The following CACNA1C variants were observed in gnomAD, a reference collection of about 807,000 sequenced individuals.
CACNA1C encodes the protein calcium voltage-gated channel subunit alpha1 C.
A neutral mutation model predicts 229.0 loss-of-function variants in CACNA1C; 30 were observed. The ratio of observed to expected loss-of-function variants is 0.13; its 90% CI spans 0.10 to 0.18. CACNA1C has a LOEUF of 0.18. CACNA1C is among the 10% of genes least tolerant of loss of function. The probability of loss-of-function intolerance (pLI) is 1.00; values close to 1 mark genes in which losing one functional copy is unlikely to be tolerated. For synonymous variants in CACNA1C, 1,114 were observed against 1,132.5 expected (o/e 0.98, Z 0.33); for missense variants, 1,658 against 2,845.0 (o/e 0.58, Z 9.49).
At chr12:2,265,167 T>TG (rs2081883951) in intron 3 of CACNA1C, among the ~76,000 whole-genome samples, 1 of 152,156 alleles carries the variant, frequency 6.6e-6, no homozygotes, top group Non-Finnish European at 1.5e-5. Flanking sequence ...CTTGGCCTGC[T>TG]GGGGGTGGAT....
rs1454041538 is a variant in CACNA1C, at chr12:2,403,070, CTT to C, written c.478-45905_478-45904del. Among the ~76,000 whole-genome samples the C allele has an allele frequency of 2.0e-5, 3 of 152,126 alleles. No homozygotes were observed. The highest frequency in any genetic ancestry group is 7.2e-5 in the African/African-American group (3 of 41,420). On this transcript the variant is annotated intron_variant, in intron 3 of 46. Transcript: ENST00000399655. This position sits in a 1 kb window ranked among gnomAD's most constrained non-coding sequence, Gnocchi z 4.1. ...AGCACTGTGGGGCAGGGCAGAGGGA[CTT>C]GTGTGTGTAGGCAGCAGCACACAGA... is the stretch of plus-strand genomic sequence containing the variant.
chr12:2,281,311 G>A (rs978170076), intron 3 of CACNA1C, among the ~76,000 whole-genome samples: 3 of 152,094 alleles, frequency 2.0e-5, no homozygotes, highest in African/African-American at 7.2e-5. Context: ...TGTTTAGGCA[G>A]TCAATGATCT....
At chr12:2,531,232 A>G (rs1599055358) in intron 9 of CACNA1C, among the ~76,000 whole-genome samples, 1 of 152,194 alleles carries the variant, frequency 6.6e-6, no homozygotes, top group African/African-American at 2.4e-5. Context: ...GGCACGCCCC[A>G]TCTGACTCGA....
At position 2,448,136 on chromosome 12, in the gene CACNA1C, T is replaced by C. The variant is rs541148488; in HGVS notation, c.478-840T>C. Among the ~76,000 whole-genome samples the C allele has an allele frequency of 1.8e-3, 271 of 152,312 alleles. 1 individual carries two copies. Among genetic ancestry groups the C allele is most frequent in the Non-Finnish European group, 3.4e-3 (231 of 68,030 alleles). On this transcript the variant is annotated intron_variant, in intron 3 of 46. Coordinates refer to ENST00000399655, the MANE Select transcript of CACNA1C (RefSeq NM_000719.7). ...TCAGCACAGAGTCGGCTGGCTCTAA[T>C]TGAGCCAACAAGTTTGTCCTGTTCG...
intron 9 of CACNA1C, among the ~76,000 whole-genome samples, chr12:2,526,561 C>T (rs1222363419): frequency 1.3e-5 from 2 of 152,230 alleles, no homozygotes; most frequent in African/African-American, 2.4e-5. Context: ...ACTGATAAGG[C>T]CATAAACTCT....
chr12:2,137,457 G>A (rs2093656971), intron 3 of CACNA1C, among the ~76,000 whole-genome samples: 3 of 151,100 alleles, frequency 2.0e-5, no homozygotes, highest in African/African-American at 7.3e-5. Flanking sequence ...ATGGTGGCTT[G>A]CACCTGTAGT....
rs201480695 is a variant in CACNA1C, at chr12:2,090,033, G to GA, written c.50-25183dup. On this transcript the variant is annotated intron_variant, in intron 1 of 46. Coordinates refer to ENST00000399655, the MANE Select transcript of CACNA1C (RefSeq NM_000719.7). The stretch of plus-strand genomic sequence containing the variant: ...GACAGTGTGAGACTCCGTCTCAAAG[G>GA]AAAAAAAAGAAATGAAAAATTGTAA... 6.6e-3 allele frequency among the ~76,000 whole-genome samples: 1,001 copies of GA among 151,562 alleles called. 18 individuals are homozygous for GA. The highest frequency in any genetic ancestry group is 0.019 in the African/African-American group (781 of 41,334).
At chr12:2,268,368 A>C (rs1053175555) in intron 3 of CACNA1C, among the ~76,000 whole-genome samples, 1 of 152,182 alleles carries the variant, frequency 6.6e-6, no homozygotes, top group African/African-American at 2.4e-5. Flanking sequence ...GGGCTCTGGC[A>C]TGTTTGTTGA....
intron 3 of CACNA1C, among the ~76,000 whole-genome samples, chr12:2,374,627 T>G (rs554526364): frequency 1.3e-5 from 2 of 152,312 alleles, no homozygotes; most frequent in East Asian, 3.9e-4. Flanking sequence ...ACATAGCAGC[T>G]CCTAACTCCA....
At chr12:2,196,164 T>C (rs1236712818) in intron 3 of CACNA1C, among the ~76,000 whole-genome samples, 5 of 152,142 alleles carry the variant, frequency 3.3e-5, no homozygotes, top group Admixed American at 3.3e-4. Context: ...TTAAAGTGGA[T>C]GGGGCAGGCT....
intron 9 of CACNA1C, among the ~76,000 whole-genome samples, chr12:2,541,055 C>G (rs1473430460): frequency 1.3e-5 from 2 of 152,188 alleles, no homozygotes; most frequent in African/African-American, 4.8e-5. Context: ...CGTCTTCCCT[C>G]TGTACCTGTC....
chr12:2,607,688 G>T (rs1305562613), intron 26 of CACNA1C, among the ~76,000 whole-genome samples: 3 of 152,256 alleles, frequency 2.0e-5, no homozygotes, highest in Admixed American at 1.3e-4. Flanking sequence ...CGTGGGCCTT[G>T]CACGCTGCAT....
Position 2,512,970 on chromosome 12 carries a change from A to G in CACNA1C, c.1376A>G (p.Glu459Gly). ...AATGAGGACGAAGGCATGGATGAGG[A>G]GAAGCCCCGAAACAGTGAGCAGCCG... The part of the protein sequence containing the change: ...PENEDEGMDE[E>G]KPRNMSMPTS... Residue 459 changes from glutamate (E) to glycine (G), a missense_variant, in exon 9 of 47, where the codon GAG becomes GGG. Around this residue, in one of 20 missense-constraint regions of CACNA1C, gnomAD observed 149 missense variants for 194.2 expected, o/e 0.77. Coordinates refer to ENST00000399655, the MANE Select transcript of CACNA1C (RefSeq NM_000719.7). The surrounding 1 kb of genome is among the most constrained non-coding windows in gnomAD (Gnocchi z 4.3). 6.2e-7 allele frequency: 1 copy of G among 1,604,176 alleles called. No homozygotes were observed. Among genetic ancestry groups the G allele is most frequent in the Non-Finnish European group, 8.5e-7 (1 of 1,175,344 alleles).
chr12:2,271,234 A>T (rs1330362966), intron 3 of CACNA1C, among the ~76,000 whole-genome samples: 1 of 151,206 alleles, frequency 6.6e-6, no homozygotes. Context: ...TTGTTCTTCG[A>T]CTCCTGTGTT....
intron 10 of CACNA1C, among the ~76,000 whole-genome samples, chr12:2,553,071 A>G (rs1197449393): frequency 1.3e-5 from 2 of 152,146 alleles, no homozygotes; most frequent in Admixed American, 6.5e-5. Flanking sequence ...ATTTCTGTGC[A>G]CCTGAAACTA....
chr12:2,234,346 C>T (rs2066485836), intron 3 of CACNA1C, among the ~76,000 whole-genome samples: 1 of 152,184 alleles, frequency 6.6e-6, no homozygotes, highest in South Asian at 2.1e-4. Context: ...GACCGATTGC[C>T]TGTTCTTGAG....
chr12:2,614,100 G>A (rs2238092), intron 29 of CACNA1C: 97,451 of 152,054 alleles, frequency 0.64, 33,668 homozygotes, highest in Non-Finnish European at 0.77. Flanking sequence ...TCCGTCCTCC[G>A]TCTAAAAGAC....
intron 1 of CACNA1C, among the ~76,000 whole-genome samples, chr12:2,030,561 C>T (rs1446963987): frequency 6.6e-6 from 1 of 152,204 alleles, no homozygotes; most frequent in African/African-American, 2.4e-5. Flanking sequence ...TGCTCCACGG[C>T]TCTCAGATGT....
chr12:2,359,754 C>T (rs2097503639), intron 3 of CACNA1C, among the ~76,000 whole-genome samples: 1 of 152,160 alleles, frequency 6.6e-6, no homozygotes, highest in East Asian at 1.9e-4. Flanking sequence ...TAGTAATAGG[C>T]TTCCAGTTTG....
Sources: allele counts gnomAD v4.1 joint callset (sites outside exome capture counted in the v4.1 genomes callset), GRCh38; gene constraint gnomAD v4.1.1; regional missense constraint gnomAD v4.1.1; non-coding constraint Gnocchi (gnomAD v3.1); transcripts MANE v1.5; gene names NCBI Gene and HGNC (gene_info 2026-07-23, HGNC 2026-07-21).